Variants in TASOR observed in about 807,000 individuals in gnomAD.
The protein encoded by TASOR is protein TASOR.
A neutral mutation model predicts 178.6 loss-of-function variants in TASOR; 53 were observed. That is an observed-to-expected ratio of 0.30 (90% confidence interval 0.24 to 0.37). The LOEUF is 0.37. Among genes scored for constraint, TASOR ranks in the 10% least tolerant of loss-of-function variants. The probability of loss-of-function intolerance (pLI) is 1.00; values close to 1 mark genes in which losing one functional copy is unlikely to be tolerated. For synonymous variants in TASOR, 713 were observed against 696.2 expected, an observed-to-expected ratio of 1.02 and a Z score of -0.38; for missense variants, 1,815 against 1,971.4, an observed-to-expected ratio of 0.92 and a Z score of 1.50.
chr3:56,673,740 CA>C lies in TASOR; in HGVS notation c.332-16del. Reference sequence around the variant, plus strand: ...CTGGAAAAGTGCTAAAATAAAAAAACAAACATTTAAAATGTTTAACATTACT... The same window carrying C: ...CTGGAAAAGTGCTAAAATAAAAAAACAACATTTAAAATGTTTAACATTACT... On this transcript the variant is annotated splice_polypyrimidine_tract_variant and intron_variant, in intron 1 of 23. Transcript: ENST00000683822. 6.5e-7 allele frequency: 1 copy of C among 1,533,574 alleles called. No individual in the cohort carries two copies. The highest frequency in any genetic ancestry group is 8.8e-7 in the Non-Finnish European group (1 of 1,140,198). The allele number at this position is 1,533,574 out of a possible 1,614,324, so 95.0% of individuals were successfully genotyped here.
intron 18 of TASOR, among the ~76,000 whole-genome samples, chr3:56,631,005 C>T (rs1024701507): frequency 6.6e-6 from 1 of 152,022 alleles, no homozygotes; most frequent in South Asian, 2.1e-4. Flanking sequence ...TCTCATCTAA[C>T]CCCAAACCAA....
intron 14 of TASOR, among the ~76,000 whole-genome samples, chr3:56,644,412 A>C (rs898645626): frequency 1.3e-5 from 2 of 152,202 alleles, no homozygotes; most frequent in Non-Finnish European, 2.9e-5. Context: ...ATTAAGGAGA[A>C]TAGACAGAAA....
At position 56,668,439 on chromosome 3, in the gene TASOR, T is replaced by C. The variant is rs2030293266; in HGVS notation, c.855A>G (p.Arg285=). ...HECHVSKNAN[R]ITSLLAYRAY... ...CTCTGTAAGCCAAAAGTGATGTAATTCGATTGGCATTCTTTGACACGTGAC... is the reference window on the plus strand; with the variant it reads ...CTCTGTAAGCCAAAAGTGATGTAATCCGATTGGCATTCTTTGACACGTGAC... The change falls in exon 6 of 24, where the codon CGA becomes CGG. Residue 285 remains arginine, a synonymous_variant. Coordinates refer to ENST00000683822, the MANE Select transcript of TASOR (RefSeq NM_001365635.2). The C allele has an allele frequency of 2.6e-6, 4 of 1,551,638 alleles. No homozygotes were observed. In the East Asian group the frequency reaches 9.8e-5, roughly 38 times the overall value.
chr3:56,662,507 T>C lies in TASOR; in HGVS notation c.1055-17A>G, dbSNP rs1194031643. On this transcript the variant is annotated splice_polypyrimidine_tract_variant and intron_variant, in intron 8 of 23. Transcript: ENST00000683822. Reference sequence around the variant, plus strand: ...TATATTTATCTAAATAAAAAGAATATAATGACACAGCTTAGTCACTTGGCA... The same window carrying C: ...TATATTTATCTAAATAAAAAGAATACAATGACACAGCTTAGTCACTTGGCA... 7.7e-7 allele frequency: 1 copy of C among 1,296,758 alleles called. No individual in the cohort carries two copies. The highest frequency in any genetic ancestry group is 1.1e-6 in the Non-Finnish European group (1 of 930,490). The allele number at this position is 1,296,758 out of a possible 1,614,324, so 80.3% of individuals were successfully genotyped here. A position where few individuals can be genotyped will look rare whatever the true frequency, so the allele number is the denominator to read the frequency against.
At chr3:56,627,541 G>C (rs761913831) in intron 20 of TASOR, 41 bp downstream of exon 20, 1 of 1,601,586 alleles carries the variant, frequency 6.2e-7, no homozygotes, top group Non-Finnish European at 8.5e-7. Flanking sequence ...AAGTATGAGA[G>C]TCAGAAGAGG....
chr3:56,646,499 A>T (rs777642176), intron 14 of TASOR, 23 bp downstream of exon 14: 1 of 1,556,504 alleles, frequency 6.4e-7, no homozygotes, highest in Non-Finnish European at 8.7e-7. Flanking sequence ...TTTGGCTGTT[A>T]TAAGAGCAAT....
At chr3:56,643,534 G>A (rs911676445) in intron 14 of TASOR, among the ~76,000 whole-genome samples, 5 of 152,112 alleles carry the variant, frequency 3.3e-5, no homozygotes, top group Admixed American at 1.3e-4. Flanking sequence ...AGGCCGAGGC[G>A]GGCGGATCAC....
At chr3:56,668,327 G>A in intron 6 of TASOR, 70 bp downstream of exon 6, 1 of 1,427,688 alleles carries the variant, frequency 7.0e-7, no homozygotes, top group Non-Finnish European at 9.5e-7. Context: ...AACTGAAAGG[G>A]AGACATTTTA....
chr3:56,632,946 A>T, intron 18 of TASOR, 98 bp downstream of exon 18: 1 of 1,035,046 alleles, frequency 9.7e-7, no homozygotes, highest in Non-Finnish European at 1.4e-6. Flanking sequence ...CTAACATTTA[A>T]ACACAAAACA....
chr3:56,634,067 G>C, intron 17 of TASOR, 101 bp from the exon 18 acceptor site: 8 of 889,298 alleles, frequency 9.0e-6, no homozygotes, highest in Non-Finnish European at 1.2e-5. Flanking sequence ...CACACATTTA[G>C]AACTAATTAT....
intron 21 of TASOR, among the ~76,000 whole-genome samples, chr3:56,626,266 G>A (rs1331132471): frequency 6.6e-6 from 1 of 152,144 alleles, no homozygotes; most frequent in Admixed American, 6.5e-5. Flanking sequence ...ATCACACTTG[G>A]AGAAGTGACT....
chr3:56,635,381 AT>A (rs2076995229), intron 17 of TASOR, among the ~76,000 whole-genome samples: 1 of 152,228 alleles, frequency 6.6e-6, no homozygotes, highest in Non-Finnish European at 1.5e-5. Context: ...AGTACTAAAT[AT>A]CCTGAGTATC....
At chr3:56,630,912 C>CGG (rs1267276643) in intron 18 of TASOR, among the ~76,000 whole-genome samples, 10 of 23,782 alleles carry the variant, frequency 4.2e-4, no homozygotes, top group Admixed American at 1.6e-3. Context: ...AAAAAAGGAG[C>CGG]GGGGGGGTGG....
At chr3:56,629,644 G>A (rs1320096794) in intron 18 of TASOR, among the ~76,000 whole-genome samples, 1 of 152,138 alleles carries the variant, frequency 6.6e-6, no homozygotes, top group Non-Finnish European at 1.5e-5. Context: ...AGACTTTCAT[G>A]CAGAGTTCCC....
At position 56,623,041 on chromosome 3, in the gene TASOR, T is replaced by C. The variant is rs936361696; in HGVS notation, c.5009A>G (p.Lys1670Arg). The C allele has an allele frequency of 2.1e-5, 32 of 1,531,110 alleles. No homozygotes were observed. The highest frequency in any genetic ancestry group is 2.8e-5 in the Non-Finnish European group (32 of 1,142,788). The allele number at this position is 1,531,110 out of a possible 1,614,324, so 94.8% of individuals were successfully genotyped here. A position where few individuals can be genotyped will look rare whatever the true frequency, so the allele number is the denominator to read the frequency against. The change falls in exon 24 of 24, where the codon AAA becomes AGA. Residue 1670 changes from lysine (K) to arginine (R), a missense_variant. By Grantham distance (26) the Lys-to-Arg change is conservative. Transcript: ENST00000683822. ...SDSSRPYSQE[K>R] ...TTAAAAAAAAAGTTACTACAGTTAT[T>C]TCTCTTGTGAATATGGCCTGGAAGA...
chr3:56,647,534 G>A (rs564944189), intron 13 of TASOR, among the ~76,000 whole-genome samples: 11 of 152,276 alleles, frequency 7.2e-5, no homozygotes, highest in Admixed American at 2.6e-4. Context: ...TCAAATAGTG[G>A]CAAGCAATAT....
chr3:56,657,023 G>C (rs1218667698), intron 11 of TASOR, among the ~76,000 whole-genome samples: 1 of 146,968 alleles, frequency 6.8e-6, no homozygotes, highest in Admixed American at 6.8e-5. Context: ...AAAAAAAAAA[G>C]AATACACTAA....
At chr3:56,648,184 G>GCAACAGAGTGAGACTCTATCTC (rs368320167) in intron 13 of TASOR, among the ~76,000 whole-genome samples, 1 of 152,006 alleles carries the variant, frequency 6.6e-6, no homozygotes, top group Admixed American at 6.6e-5. Context: ...CACTGCCTGG[G>GCAACAGAGTGAGACTCTATCTC]CAACAGAGTG....
In TASOR at chr3:56,621,958, C is replaced by CTT. The variant is rs2076684691; in HGVS notation, c.*1077_*1078dup. ...GTGTTCTTTCACACTTTTTATGTAA[C>CTT]TTAGGAACTGAAATACCACTCATGC... is the stretch of plus-strand genomic sequence containing the variant. On this transcript the variant is annotated 3_prime_UTR_variant, in exon 24 of 24. Coordinates refer to ENST00000683822, the MANE Select transcript of TASOR (RefSeq NM_001365635.2). 1 of 158,174 alleles carries CTT rather than the reference C, an allele frequency of 6.3e-6. No individual in the cohort carries two copies. Among genetic ancestry groups the CTT allele is most frequent in the African/African-American group, 2.4e-5 (1 of 41,520 alleles). 9.8% of individuals were successfully genotyped at this position (158,174 alleles called of 1,614,324 possible).
Sources: gnomAD v4.1 joint callset for allele counts (sites outside exome capture counted in the v4.1 genomes callset) on GRCh38, gnomAD v4.1.1 for gene constraint, MANE v1.5 for transcripts, NCBI Gene and HGNC (gene_info 2026-07-23, HGNC 2026-07-21) for gene names.